The following CDC123 variants were observed in gnomAD, a reference collection of about 807,000 sequenced individuals.
CDC123 encodes the protein translation initiation factor eIF2 assembly protein.
A neutral mutation model predicts 54.4 loss-of-function variants in CDC123; 37 were observed. That is an observed-to-expected ratio of 0.68 (90% CI 0.52 to 0.89). The LOEUF is 0.89. Ranked by LOEUF, CDC123 falls within the 40% of genes least tolerant of loss-of-function variation. The pLI is 0.00. For missense variants in CDC123, 361 were observed against 412.1 expected (o/e 0.88, Z 1.07); for synonymous variants, 144 against 136.8 (o/e 1.05, Z -0.37).
In CDC123 at chr10:12,203,640, A is replaced by G. The variant is rs574847037; in HGVS notation, c.146+4864A>G. ...TTCAATTTCACTGAACAGTTATTGC[A>G]TGCCTAGTATGAGATGGGCACCAAG... On this transcript the variant is annotated intron_variant, in intron 2 of 12. Transcript: ENST00000281141. Among the ~76,000 whole-genome samples, 430 of 152,298 alleles carry G rather than the reference A, an allele frequency of 2.8e-3. 1 individual carries two copies. Among genetic ancestry groups the G allele is most frequent in the African/African-American group, 9.7e-3 (402 of 41,554 alleles).
chr10:12,239,945 T>C (rs902710801), intron 10 of CDC123, among the ~76,000 whole-genome samples: 1 of 150,730 alleles, frequency 6.6e-6, no homozygotes, highest in African/African-American at 2.4e-5. Flanking sequence ...GAGGCGGAGC[T>C]TGCAGTGAGC....
chr10:12,246,382 A>G, intron 11 of CDC123, 105 bp downstream of exon 11: 2 of 1,305,388 alleles, frequency 1.5e-6, no homozygotes, highest in South Asian at 2.7e-5. Context: ...GACCCTTGGG[A>G]AGCGCAGAGT....
chr10:12,217,792 T>G (rs1302958584), intron 6 of CDC123, among the ~76,000 whole-genome samples: 1 of 152,046 alleles, frequency 6.6e-6, no homozygotes, highest in Non-Finnish European at 1.5e-5. Flanking sequence ...ACAGGAAATA[T>G]AAAAGCTCTC....
intron 10 of CDC123, chr10:12,245,023 A>G (rs1234764415): frequency 6.6e-6 from 1 of 152,366 alleles, no homozygotes; most frequent in African/African-American, 2.4e-5. Context: ...CAAAAAACAA[A>G]CAAAAACCAC....
At chr10:12,236,915 CAAAA>C (rs1835984439) in intron 8 of CDC123, among the ~76,000 whole-genome samples, 1 of 151,686 alleles carries the variant, frequency 6.6e-6, no homozygotes, top group African/African-American at 2.4e-5. Context: ...CAAAACAAAA[CAAAA>C]CAAAAAGTAA....
chr10:12,224,379 A>G (rs912385800), intron 6 of CDC123, among the ~76,000 whole-genome samples: 3 of 152,056 alleles, frequency 2.0e-5, no homozygotes, highest in African/African-American at 2.4e-5. Context: ...AAAGTGTAGT[A>G]AAAATATGCT....
Position 12,196,378 on chromosome 10 carries a change from G to A in CDC123, c.74+59G>A, listed in dbSNP as rs184139810. The A allele has an allele frequency of 1.9e-6, 3 of 1,609,074 alleles. No individual in the cohort carries two copies. In the Admixed American group the frequency reaches 5.0e-5, roughly 27 times the overall value. ...CAAAAGGGAACTGCGACTTCTGAGCGAATCTTACTGCTATCCAAAAAAATG... is the reference window on the plus strand; with the variant it reads ...CAAAAGGGAACTGCGACTTCTGAGCAAATCTTACTGCTATCCAAAAAAATG... On this transcript the variant is annotated intron_variant, in intron 1 of 12. Transcript: ENST00000281141.
chr10:12,198,895 T>C, intron 2 of CDC123, 119 bp downstream of exon 2: 2 of 640,430 alleles, frequency 3.1e-6, no homozygotes, highest in East Asian at 2.7e-5. Flanking sequence ...GCCAAAATGA[T>C]GTGCTGATCT....
chr10:12,220,298 C>A (rs967957217), intron 6 of CDC123, among the ~76,000 whole-genome samples: 6 of 152,128 alleles, frequency 3.9e-5, no homozygotes, highest in South Asian at 2.1e-4. Flanking sequence ...CTACGTCTTG[C>A]TTTTTATCTT....
At chr10:12,249,317 A>G (rs1050980021) in intron 11 of CDC123, among the ~76,000 whole-genome samples, 15 of 152,128 alleles carry the variant, frequency 9.9e-5, no homozygotes, top group Admixed American at 4.6e-4. Context: ...GCATGCCTAT[A>G]GTCCCAGCTA....
At chr10:12,227,247 A>G (rs1835835273) in intron 6 of CDC123, among the ~76,000 whole-genome samples, 1 of 128,008 alleles carries the variant, frequency 7.8e-6, no homozygotes. Context: ...GAGACCGTGG[A>G]GAGAGAGGGA....
At chr10:12,234,174 A>C (rs1433974872) in intron 7 of CDC123, among the ~76,000 whole-genome samples, 2 of 152,148 alleles carry the variant, frequency 1.3e-5, no homozygotes, top group African/African-American at 4.8e-5. Flanking sequence ...GGCTCACTGC[A>C]ACCTCCGCTT....
chr10:12,223,275 GTATTT>G (rs1835761502), intron 6 of CDC123, among the ~76,000 whole-genome samples: 1 of 151,374 alleles, frequency 6.6e-6, no homozygotes, highest in South Asian at 2.1e-4. Flanking sequence ...ATTCGTTTAT[GTATTT>G]TATTTTATTT....
intron 4 of CDC123, among the ~76,000 whole-genome samples, chr10:12,212,546 C>T (rs1216207419): frequency 6.6e-6 from 1 of 152,196 alleles, no homozygotes; most frequent in African/African-American, 2.4e-5. Flanking sequence ...CTGTGTTGCC[C>T]AGGCTGCACT....
chr10:12,220,697 G>T (rs1224338972), intron 6 of CDC123, among the ~76,000 whole-genome samples: 1 of 152,254 alleles, frequency 6.6e-6, no homozygotes, highest in Non-Finnish European at 1.5e-5. Context: ...AAGATTAAAT[G>T]CTGGGTGTGG....
intron 6 of CDC123, among the ~76,000 whole-genome samples, chr10:12,221,707 A>C (rs1267695229): frequency 6.7e-6 from 1 of 149,786 alleles, no homozygotes; most frequent in Non-Finnish European, 1.5e-5. Flanking sequence ...TATTTTTTTA[A>C]TTTGTATTTA....
At chr10:12,210,709 A>G (rs1828548205) in intron 4 of CDC123, among the ~76,000 whole-genome samples, 1 of 151,940 alleles carries the variant, frequency 6.6e-6, no homozygotes, top group Non-Finnish European at 1.5e-5. Flanking sequence ...TGTTTTGTGT[A>G]TTTATTTTTG....
chr10:12,198,223 A>G lies in CDC123; in HGVS notation c.75-482A>G, dbSNP rs569271355. 2.4e-4 allele frequency among the ~76,000 whole-genome samples: 36 copies of G among 152,192 alleles called. 1 individual carries two copies. The highest frequency in any genetic ancestry group is 5.0e-4 in the Non-Finnish European group (34 of 68,028). The stretch of plus-strand genomic sequence containing the variant: ...ATAGAAAGCCAGCAAGACACATCCA[A>G]AAGTATCATGAATTCTTAGCGGTAG... On this transcript the variant is annotated intron_variant, in intron 1 of 12. Transcript: ENST00000281141.
Position 12,235,034 on chromosome 10 carries a change from TC to T in CDC123, c.490-13del, listed in dbSNP as rs746856971. 13 of 1,608,636 alleles carry T rather than the reference TC, an allele frequency of 8.1e-6. No individual in the cohort carries two copies. Among genetic ancestry groups the T allele is most frequent in the African/African-American group, 4.0e-5 (3 of 74,774 alleles). The stretch of plus-strand genomic sequence containing the variant: ...TAGGTGTGTTATATTAAATATTTTT[TC>T]TTTTGTTTACAGCTCGTTCTCCGAA... On this transcript the variant is annotated splice_polypyrimidine_tract_variant and intron_variant, in intron 7 of 12. Coordinates refer to ENST00000281141, the MANE Select transcript of CDC123 (RefSeq NM_006023.3).
Sources: gnomAD v4.1 joint callset for allele counts (sites outside exome capture counted in the v4.1 genomes callset) on GRCh38, gnomAD v4.1.1 for gene constraint, MANE v1.5 for transcripts, NCBI Gene and HGNC (gene_info 2026-07-23, HGNC 2026-07-21) for gene names.